Variants in NAALADL2 observed in about 807,000 individuals in gnomAD.
NAALADL2 encodes the protein inactive N-acetylated-alpha-linked acidic dipeptidase-like protein 2.
NAALADL2 carries 76 observed loss-of-function variants against 87.2 expected under a neutral mutation model. The observed-to-expected ratio is 0.87, with a 90% CI of 0.72 to 1.05. The LOEUF is 1.05. NAALADL2 is among the 50% of genes least tolerant of loss of function. NAALADL2 has a pLI of 0.00. For synonymous variants in NAALADL2, 354 were observed against 331.0 expected (o/e 1.07, Z -0.75); for missense variants, 1,089 against 945.8 (o/e 1.15, Z -1.99).
At chr3:175,238,972 G>T (rs1542487) in intron 3 of NAALADL2, among the ~76,000 whole-genome samples, 131,323 of 152,158 alleles carry the variant, frequency 0.86, 56,972 homozygotes, top group Middle Eastern at 0.93. Context: ...CCCTTTTCTT[G>T]GAAGAGCTGT....
At chr3:174,752,926 T>A (rs1734978884) in intron 3 of NAALADL2, among the ~76,000 whole-genome samples, 1 of 152,208 alleles carries the variant, frequency 6.6e-6, no homozygotes, top group African/African-American at 2.4e-5. Flanking sequence ...CTGAGCCAGA[T>A]GATGGAAGGC....
chr3:174,998,566 C>T (rs1471575201), intron 1 of NAALADL2, among the ~76,000 whole-genome samples: 2 of 152,150 alleles, frequency 1.3e-5, no homozygotes, highest in South Asian at 2.1e-4. Context: ...TAATCATAAC[C>T]TTGATACATT....
intron 3 of NAALADL2, among the ~76,000 whole-genome samples, chr3:174,826,812 C>A (rs542357256): frequency 3.9e-5 from 6 of 152,240 alleles, no homozygotes; most frequent in Non-Finnish European, 8.8e-5. Flanking sequence ...CATTTCCATT[C>A]TAGGAGTATG....
intron 11 of NAALADL2, among the ~76,000 whole-genome samples, chr3:175,680,632 TAGTACAGATA>T (rs1023731406): frequency 1.3e-5 from 2 of 152,224 alleles, no homozygotes; most frequent in African/African-American, 4.8e-5. Flanking sequence ...GATATACTCA[TAGTACAGATA>T]AGCAAACTGA....
chr3:174,643,947 T>C (rs1424225472), intron 2 of NAALADL2, among the ~76,000 whole-genome samples: 1 of 152,182 alleles, frequency 6.6e-6, no homozygotes, highest in South Asian at 2.1e-4. Flanking sequence ...TTACGGATAG[T>C]GGAGACTTCT....
At chr3:175,581,059 A>G (rs1029102332) in intron 10 of NAALADL2, 3 of 246,066 alleles carry the variant, frequency 1.2e-5, no homozygotes, top group Admixed American at 4.6e-5. Context: ...ACTAATGAAA[A>G]TAACTTATTT....
At chr3:175,037,783 G>A (rs1463290484) in intron 1 of NAALADL2, among the ~76,000 whole-genome samples, 1 of 152,122 alleles carries the variant, frequency 6.6e-6, no homozygotes, top group African/African-American at 2.4e-5. Context: ...TGGCTGGAGT[G>A]TTATGTTTGT....
At chr3:175,366,917 G>C (rs1765668946) in intron 5 of NAALADL2, among the ~76,000 whole-genome samples, 1 of 151,610 alleles carries the variant, frequency 6.6e-6, no homozygotes, top group Admixed American at 6.6e-5. Context: ...TGGTGTTTTA[G>C]ACTTGAAGTC....
At chr3:174,614,050 A>G (rs34963627) in intron 2 of NAALADL2, among the ~76,000 whole-genome samples, 4 of 152,054 alleles carry the variant, frequency 2.6e-5, no homozygotes, top group Non-Finnish European at 5.9e-5. Flanking sequence ...CAGAGCTAGT[A>G]TCTAAAATAG....
intron 11 of NAALADL2, among the ~76,000 whole-genome samples, chr3:175,690,059 C>T (rs917708949): frequency 2.0e-5 from 3 of 151,890 alleles, no homozygotes; most frequent in African/African-American, 7.3e-5. Flanking sequence ...AGTATGTACA[C>T]AAAACATATA....
intron 2 of NAALADL2, among the ~76,000 whole-genome samples, chr3:174,733,222 T>G (rs549128973): frequency 6.6e-6 from 1 of 152,294 alleles, no homozygotes; most frequent in East Asian, 1.9e-4. Context: ...TAGGTAACGC[T>G]TAAAAGGTCC....
intron 9 of NAALADL2, among the ~76,000 whole-genome samples, chr3:175,511,330 T>C (rs1052713514): frequency 5.3e-5 from 8 of 152,294 alleles, no homozygotes; most frequent in Non-Finnish European, 8.8e-5. Context: ...AGGACCTTTG[T>C]AAAGAGCTGA....
At chr3:174,999,561 T>C (rs1327540072) in intron 1 of NAALADL2, among the ~76,000 whole-genome samples, 1 of 152,184 alleles carries the variant, frequency 6.6e-6, no homozygotes, top group Non-Finnish European at 1.5e-5. Context: ...ACTGTCCACA[T>C]TATTCTCTGA....
At chr3:175,509,313 C>A (rs995094522) in intron 9 of NAALADL2, among the ~76,000 whole-genome samples, 2 of 152,118 alleles carry the variant, frequency 1.3e-5, no homozygotes, top group Admixed American at 1.3e-4. Flanking sequence ...GACTTCCTAC[C>A]ATCAGACTTG....
intron 2 of NAALADL2, among the ~76,000 whole-genome samples, chr3:174,707,842 A>G (rs1313001810): frequency 6.8e-6 from 1 of 147,830 alleles, no homozygotes; most frequent in Non-Finnish European, 1.5e-5. Context: ...TCCAAAGCAC[A>G]AAAAAAAAAG....
At chr3:175,755,113 T>C in intron 12 of NAALADL2, 107 bp from the exon 13 acceptor site, 1 of 872,700 alleles carries the variant, frequency 1.1e-6, no homozygotes. Flanking sequence ...TTCCTCTTCC[T>C]TCTTCAGTGG....
Position 175,256,443 on chromosome 3 carries a change from AGAT to A in NAALADL2, c.856_858del (p.Asp286del). On this transcript the variant is annotated inframe_deletion, in exon 4 of 14. Coordinates refer to ENST00000454872, the MANE Select transcript of NAALADL2 (RefSeq NM_207015.3). ...TCATCGATGTGAGTTATGGAATGGCAGATGATTTAAAAAGGATTAGGAAAATAA... is the reference window on the plus strand; with the variant it reads ...TCATCGATGTGAGTTATGGAATGGCAGATTTAAAAAGGATTAGGAAAATAA... 6.2e-7 allele frequency: 1 copy of A among 1,611,076 alleles called. No individual in the cohort carries two copies. Among genetic ancestry groups the A allele is most frequent in the Non-Finnish European group, 8.5e-7 (1 of 1,178,530 alleles).
chr3:175,716,954 C>T (rs1364292185), intron 11 of NAALADL2, among the ~76,000 whole-genome samples: 2 of 151,956 alleles, frequency 1.3e-5, no homozygotes, highest in Admixed American at 6.6e-5. Context: ...AAAGGTATTC[C>T]CTGATGTCAG....
chr3:174,499,481 A>G (rs1718751130), intron 1 of NAALADL2, among the ~76,000 whole-genome samples: 1 of 151,990 alleles, frequency 6.6e-6, no homozygotes, highest in South Asian at 2.1e-4. Flanking sequence ...ATGGTATTAT[A>G]CTAAGACAGC....
Sources: gnomAD v4.1 joint callset for allele counts (sites outside exome capture counted in the v4.1 genomes callset) on GRCh38, gnomAD v4.1.1 for gene constraint, MANE v1.5 for transcripts, NCBI Gene and HGNC (gene_info 2026-07-23, HGNC 2026-07-21) for gene names.